SELENON: variants seen among roughly 807,000 people sequenced by gnomAD.
The protein encoded by SELENON is selenoprotein N, 1.
Under a neutral mutation model 59.5 loss-of-function variants are expected in SELENON, and 44 were observed. The ratio of observed to expected loss-of-function variants is 0.74; its 90% CI spans 0.58 to 0.95. The LOEUF (loss-of-function observed/expected upper bound fraction) is 0.95. SELENON is among the 40% of genes least tolerant of loss of function. The pLI is 0.00. For synonymous variants in SELENON, 320 were observed against 305.6 expected, an observed-to-expected ratio of 1.05 and a Z score of -0.49; for missense variants, 674 against 721.4, an observed-to-expected ratio of 0.93 and a Z score of 0.75.
At chr1:25,812,852 C>T in intron 10 of SELENON, 60 bp downstream of exon 9, 1 of 1,328,048 alleles carries the variant, frequency 7.5e-7, no homozygotes. Context: ...TGTGGGGTAC[C>T]AGAGGCTCTG....
chr1:25,800,920 G>A, intron 1 of SELENON, 123 bp from the exon 2 acceptor site: 2 of 823,428 alleles, frequency 2.4e-6, no homozygotes, highest in Non-Finnish European at 4.3e-6. Flanking sequence ...GATGGACCGG[G>A]AGGCACTGGG....
At chr1:25,805,708 GCCTGGCT>G (rs1438168490) in intron 4 of SELENON, among the ~76,000 whole-genome samples, 1 of 152,042 alleles carries the variant, frequency 6.6e-6, no homozygotes, top group East Asian at 1.9e-4. Flanking sequence ...ATAGCATGAT[GCCTGGCT>G]CCTGATAGGT....
chr1:25,803,500 A>G (rs1001116390), intron 3 of SELENON, among the ~76,000 whole-genome samples: 6 of 152,136 alleles, frequency 3.9e-5, no homozygotes, highest in Admixed American at 1.3e-4. Context: ...TAATGGGCAA[A>G]TGTTACTCAT....
chr1:25,814,076 G>A lies in SELENON; in HGVS notation c.1501-1G>A, dbSNP rs750138587. The A allele has an allele frequency of 1.2e-6, 2 of 1,613,994 alleles. No individual in the cohort carries two copies. The highest frequency in any genetic ancestry group is 4.5e-5 in the East Asian group (2 of 44,884). ...TCAGGAGTGTGCAACTGTCCCCACA[G>A]AACAACCAGGAGAACTCGTCCCACC... On this transcript the variant is annotated splice_acceptor_variant, in intron 11 of 12. Coordinates refer to ENST00000361547, the MANE Select transcript of SELENON (RefSeq NM_020451.3). LOFTEE classifies it high-confidence loss of function.
At chr1:25,815,026 A>G (rs2047998363) in intron 12 of SELENON, among the ~76,000 whole-genome samples, 1 of 151,634 alleles carries the variant, frequency 6.6e-6, no homozygotes, top group Non-Finnish European at 1.5e-5. Flanking sequence ...GGTTGGGAGA[A>G]CCAGGCCTCC....
intron 3 of SELENON, among the ~76,000 whole-genome samples, chr1:25,804,941 G>A (rs1391393583): frequency 1.3e-5 from 2 of 152,124 alleles, no homozygotes; most frequent in East Asian, 3.9e-4. Context: ...GTCAAATGGA[G>A]TTGGTAATGT....
chr1:25,810,588 G>C (rs527476314), intron 7 of SELENON, among the ~76,000 whole-genome samples: 1 of 152,340 alleles, frequency 6.6e-6, no homozygotes, highest in Non-Finnish European at 1.5e-5. Flanking sequence ...CCCTCTGTAG[G>C]CCTGTTTCCT....
In SELENON at chr1:25,813,871, TC is replaced by T; in HGVS notation, c.1388-8del. ...GTGGGGGCGCCTCACCCTTCTGTCT[TC>T]CTGAACAGGTTCAGGGCGGACTCTC... On this transcript the variant is annotated splice_polypyrimidine_tract_variant and intron_variant, in intron 10 of 12. Coordinates refer to ENST00000361547, the MANE Select transcript of SELENON (RefSeq NM_020451.3). 4 of 1,610,328 alleles carry T rather than the reference TC, an allele frequency of 2.5e-6. No homozygotes were observed. Among genetic ancestry groups the T allele is most frequent in the African/African-American group, 1.3e-5 (1 of 74,960 alleles).
rs2047919109 is a variant in SELENON at position 25,807,627 on chromosome 1, G to C, written c.538-953G>C. Among the ~76,000 whole-genome samples the C allele has an allele frequency of 6.6e-6, 1 of 152,190 alleles. No homozygotes were observed. Among genetic ancestry groups the C allele is most frequent in the South Asian group, 2.1e-4 (1 of 4,828 alleles). On this transcript the variant is annotated intron_variant, in intron 4 of 12. Coordinates refer to ENST00000361547, the MANE Select transcript of SELENON (RefSeq NM_020451.3). The surrounding 1 kb of genome is among the most constrained non-coding windows in gnomAD (Gnocchi z 4.5). ...GCAGGGGGTGGCAAGCCTACAAGCA[G>C]GACCCAGGAAGGCGGGCTCGGCCTG...
At chr1:25,808,496 T>G in intron 4 of SELENON, 84 bp from the exon 4 acceptor site, 1 of 1,527,002 alleles carries the variant, frequency 6.5e-7, no homozygotes, top group Non-Finnish European at 9.0e-7. Context: ...GCTCGGGGCT[T>G]GAGGGAGACC....
rs751053087 is a variant in SELENON at position 25,808,580 on chromosome 1, G to T, written c.538G>T (p.Val180Phe). The stretch of plus-strand genomic sequence containing the variant: ...GGAGCTTTGCTTTCCCCCGCCCCAG[G>T]TCTCCCGCCTCGCCCTGTCCGGCCT... Residue 180 changes from valine (V) to phenylalanine (F), a missense_variant and splice_region_variant, in exon 5 of 13, where the codon GTC becomes TTC. Coordinates refer to ENST00000361547, the MANE Select transcript of SELENON (RefSeq NM_020451.3). 1 of 1,613,360 alleles carries T rather than the reference G, an allele frequency of 6.2e-7. No homozygotes were observed. The highest frequency in any genetic ancestry group is 2.2e-5 in the East Asian group (1 of 44,862).
chr1:25,812,831 A>G (rs754915461), intron 10 of SELENON, 39 bp downstream of exon 9: 6 of 1,482,178 alleles, frequency 4.0e-6, no homozygotes, highest in East Asian at 2.3e-5. Flanking sequence ...GCAGTGGGAA[A>G]GTCCACACCT....
chr1:25,803,223 AGAGT>A (rs1285686694), intron 3 of SELENON, among the ~76,000 whole-genome samples: 1 of 152,210 alleles, frequency 6.6e-6, no homozygotes, highest in Admixed American at 6.5e-5. Flanking sequence ...TTTTGTGGCC[AGAGT>A]GAGAGTTCTC....
In SELENON at chr1:25,811,456, C is replaced by T; in HGVS notation, c.1013C>T (p.Ser338Phe). The T allele has an allele frequency of 6.2e-7, 1 of 1,613,780 alleles. No individual in the cohort carries two copies. The highest frequency in any genetic ancestry group is 2.2e-5 in the East Asian group (1 of 44,888). ...TCACTCTGCCCTGGCCATCCCAGGT[C>T]TCTGAATGTGGACATGGAGTGGCTT... The change falls in exon 8 of 13, where the codon TCT (serine) becomes TTT (phenylalanine). Residue 338 changes from serine (S) to phenylalanine (F), a missense_variant and splice_region_variant. By Grantham distance (155) the Ser-to-Phe change is radical. Coordinates refer to ENST00000361547, the MANE Select transcript of SELENON (RefSeq NM_020451.3).
chr1:25,809,839 C>T lies in SELENON; in HGVS notation c.1010+19C>T. The T allele has an allele frequency of 6.2e-7, 1 of 1,611,806 alleles. No individual in the cohort carries two copies. The highest frequency in any genetic ancestry group is 8.5e-7 in the Non-Finnish European group (1 of 1,179,984). On this transcript the variant is annotated intron_variant, in intron 7 of 12. Coordinates refer to ENST00000361547, the MANE Select transcript of SELENON (RefSeq NM_020451.3). ...ACCACAGGTGGGAGCTTGACCCTGG[C>T]CCAGCCTTGGCTCCCTCCTACAGCT...
intron 3 of SELENON, among the ~76,000 whole-genome samples, chr1:25,802,696 A>G (rs1200820645): frequency 6.6e-6 from 1 of 152,206 alleles, no homozygotes; most frequent in East Asian, 1.9e-4. Context: ...TAGTGCAGTC[A>G]GTGATTATTT....
At chr1:25,800,648 G>A (rs1445849449) in intron 1 of SELENON, among the ~76,000 whole-genome samples, 4 of 152,002 alleles carry the variant, frequency 2.6e-5, no homozygotes, top group Admixed American at 6.5e-5. Context: ...CAGACTGGAG[G>A]GGTCTCTATC....
chr1:25,801,052 C>T lies in SELENON; in HGVS notation c.193C>T (p.Leu65=), dbSNP rs1236176975. ...CTCTCCTCCCAAGCAGGAACTGGCG[C>T]TGAAGACCCTGGGGACAGATGGCCT... Residue 65 remains leucine, a synonymous_variant, in exon 2 of 13, where the codon CTG becomes TTG. Transcript: ENST00000361547. 1.9e-6 allele frequency: 3 copies of T among 1,614,120 alleles called. No homozygotes were observed. Among genetic ancestry groups the T allele is most frequent in the Admixed American group, 1.7e-5 (1 of 60,028 alleles).
Position 25,801,112 on chromosome 1 carries a change from A to G in SELENON, c.253A>G (p.Met85Val), listed in dbSNP as rs761605974. The G allele has an allele frequency of 7.4e-5, 119 of 1,614,042 alleles. No homozygotes were observed. The highest frequency in any genetic ancestry group is 9.4e-5 in the Non-Finnish European group (111 of 1,180,014). The change falls in exon 2 of 13, where the codon ATG (methionine) becomes GTG (valine). Residue 85 changes from methionine (M) to valine (V), a missense_variant. By Grantham distance (21) the Met-to-Val change is conservative (BLOSUM62 1). Coordinates refer to ENST00000361547, the MANE Select transcript of SELENON (RefSeq NM_020451.3). Reference sequence around the variant, plus strand: ...TTCCTCCTTGGACACTGACGGGGATATGTACATCAGCCCTGAGGAGTTCAA... The same window carrying G: ...TTCCTCCTTGGACACTGACGGGGATGTGTACATCAGCCCTGAGGAGTTCAA...
Sources: gnomAD v4.1 joint callset for allele counts (sites outside exome capture counted in the v4.1 genomes callset) on GRCh38, gnomAD v4.1.1 for gene constraint, Gnocchi (gnomAD v3.1) non-coding constraint, MANE v1.5 for transcripts, NCBI Gene and HGNC (gene_info 2026-07-23, HGNC 2026-07-21) for gene names.